The following MPRIP variants were observed in gnomAD, a reference collection of about 807,000 sequenced individuals.
The protein encoded by MPRIP is myosin phosphatase Rho interacting protein.
Under a neutral mutation model 234.9 loss-of-function variants are expected in MPRIP, and 59 were observed. The observed-to-expected ratio is 0.25, with a 90% CI of 0.20 to 0.31. The LOEUF (loss-of-function observed/expected upper bound fraction) is 0.31. Ranked by LOEUF, MPRIP falls within the 10% of genes least tolerant of loss-of-function variation. The pLI is 1.00. For synonymous variants in MPRIP, 1,144 were observed against 1,263.9 expected (o/e 0.91, Z 2.01); for missense variants, 2,436 against 3,071.0 (o/e 0.79, Z 4.89).
At chr17:17,159,340 G>A (rs969339656) in intron 14 of MPRIP, among the ~76,000 whole-genome samples, 2 of 152,238 alleles carry the variant, frequency 1.3e-5, no homozygotes, top group Non-Finnish European at 2.9e-5. Context: ...GCGCGAGCAG[G>A]GCAAGGCTTT....
At chr17:17,064,350 T>C (rs1003612795) in intron 1 of MPRIP, among the ~76,000 whole-genome samples, 1 of 152,044 alleles carries the variant, frequency 6.6e-6, no homozygotes, top group African/African-American at 2.4e-5. Flanking sequence ...TACAGGTGCG[T>C]GCCACTGTTT....
At chr17:17,105,021 G>A (rs2090036093) in intron 3 of MPRIP, among the ~76,000 whole-genome samples, 1 of 152,140 alleles carries the variant, frequency 6.6e-6, no homozygotes, top group African/African-American at 2.4e-5. Flanking sequence ...TATCCACTGG[G>A]CGTGTTTGCT....
At chr17:17,105,104 C>T (rs2090037387) in intron 3 of MPRIP, among the ~76,000 whole-genome samples, 3 of 152,208 alleles carry the variant, frequency 2.0e-5, no homozygotes, top group Admixed American at 6.5e-5. Context: ...TACAAATAGA[C>T]TTTTGTTGTT....
intron 1 of MPRIP, among the ~76,000 whole-genome samples, chr17:17,058,887 C>T (rs536108249): frequency 2.6e-5 from 4 of 152,150 alleles, no homozygotes; most frequent in Admixed American, 2.0e-4. Flanking sequence ...CAGGGCTGCT[C>T]CCCAAGCAAA....
intron 1 of MPRIP, among the ~76,000 whole-genome samples, chr17:17,056,663 A>T (rs1340839924): frequency 6.6e-6 from 1 of 151,990 alleles, no homozygotes; most frequent in African/African-American, 2.4e-5. Flanking sequence ...TAACCATTTT[A>T]GCATGTACAA....
In MPRIP at chr17:17,180,063, G is replaced by T. The variant is rs1400937361; in HGVS notation, c.7181G>T (p.Arg2394Leu). 1 of 1,591,510 alleles carries T rather than the reference G, an allele frequency of 6.3e-7. No individual in the cohort carries two copies. The highest frequency in any genetic ancestry group is 1.4e-5 in the African/African-American group (1 of 73,174). ...AAGAAAGACAGATCCTGTGTCACCC[G>T]GCAACTCAGAAACATCAGGTCCAAG... ...FLKKDRSCVT[R>L]QLRNIRSKSL... Residue 2394 changes from arginine to leucine, a missense_variant, in exon 23 of 24, where the codon CGG becomes CTG. Coordinates refer to ENST00000651222, the MANE Select transcript of MPRIP (RefSeq NM_001364716.4).
chr17:17,179,664 A>T, intron 22 of MPRIP: 1 of 198,830 alleles, frequency 5.0e-6, no homozygotes, highest in East Asian at 1.6e-4. Context: ...AATCATGGAT[A>T]ATGGGGGTAG....
intron 5 of MPRIP, among the ~76,000 whole-genome samples, chr17:17,135,274 A>T (rs2090672332): frequency 1.4e-5 from 1 of 69,570 alleles, no homozygotes. Flanking sequence ...CCCCACAAAC[A>T]CTTCTCCCTC....
intron 1 of MPRIP, among the ~76,000 whole-genome samples, chr17:17,071,538 A>T (rs2089194525): frequency 6.6e-6 from 1 of 152,096 alleles, no homozygotes; most frequent in Admixed American, 6.5e-5. Context: ...TGTACTTAGC[A>T]GGAGAAATCT....
rs908516921 is a variant in MPRIP, at chr17:17,166,730, A to G, written c.5139A>G (p.Gly1713=). ...QHKCLLREIL[G]AYQTPDFERV... ...AATGCCTGCTGAGGGAAATCCTGGGAGCCTACCAAACCCCAGACTTTGAAA... is the reference window on the plus strand; with the variant it reads ...AATGCCTGCTGAGGGAAATCCTGGGGGCCTACCAAACCCCAGACTTTGAAA... Residue 1713 remains glycine, a synonymous_variant, in exon 16 of 24, where the codon GGA becomes GGG. Coordinates refer to ENST00000651222, the MANE Select transcript of MPRIP (RefSeq NM_001364716.4). The surrounding 1 kb of genome is among the most constrained non-coding windows in gnomAD (Gnocchi z 4.4). 7.7e-7 allele frequency: 1 copy of G among 1,304,032 alleles called. No homozygotes were observed. The highest frequency in any genetic ancestry group is 1.0e-6 in the Non-Finnish European group (1 of 988,960). The allele number at this position is 1,304,032 out of a possible 1,614,324, so 80.8% of individuals were successfully genotyped here.
rs180847212 is a variant in MPRIP, at chr17:17,143,406, T to C, written c.1390-150T>C. The C allele has an allele frequency of 5.4e-4, 268 of 497,356 alleles. 4 individuals carry two copies. In the East Asian group the frequency reaches 9.3e-3, roughly 17 times the overall value. 30.8% of individuals were successfully genotyped at this position (497,356 alleles called of 1,614,324 possible). A position where few individuals can be genotyped will look rare whatever the true frequency, so the allele number is the denominator to read the frequency against. On this transcript the variant is annotated intron_variant, in intron 8 of 23. Transcript: ENST00000651222. ...GACCCGGGTCCTGTCCTGGCCCTGCTGCAGACTTGCTATGGTGGCTAGGCA... is the reference window on the plus strand; with the variant it reads ...GACCCGGGTCCTGTCCTGGCCCTGCCGCAGACTTGCTATGGTGGCTAGGCA...
At chr17:17,113,815 C>A (rs2090220978) in intron 3 of MPRIP, among the ~76,000 whole-genome samples, 1 of 151,662 alleles carries the variant, frequency 6.6e-6, no homozygotes, top group Non-Finnish European at 1.5e-5. Context: ...TAACTTACCT[C>A]TACCCTAGTG....
chr17:17,185,727 A>G lies in MPRIP; in HGVS notation c.*833A>G, dbSNP rs1282245611. 2.9e-6 allele frequency: 1 copy of G among 348,140 alleles called. No homozygotes were observed. Among genetic ancestry groups the G allele is most frequent in the African/African-American group, 2.2e-5 (1 of 46,036 alleles). 21.6% of individuals were successfully genotyped at this position (348,140 alleles called of 1,614,324 possible). A position where few individuals can be genotyped will look rare whatever the true frequency, so the allele number is the denominator to read the frequency against. On this transcript the variant is annotated 3_prime_UTR_variant, in exon 24 of 24. Coordinates refer to ENST00000651222, the MANE Select transcript of MPRIP (RefSeq NM_001364716.4). ...GAATTCCCCCCAGGAATCATTCAAA[A>G]TGGGGGAAGGTTTGGGGGTTTGGGT...
chr17:17,173,773 T>A (rs1167349509), intron 18 of MPRIP, 143 bp from the exon 19 acceptor site: 2 of 949,638 alleles, frequency 2.1e-6, no homozygotes, highest in Non-Finnish European at 3.4e-6. Context: ...GATCCCTTAC[T>A]CTGTATGACC....
chr17:17,069,139 C>A (rs574916141), intron 1 of MPRIP, among the ~76,000 whole-genome samples: 1 of 152,302 alleles, frequency 6.6e-6, no homozygotes, highest in South Asian at 2.1e-4. Context: ...CATTTAGGCT[C>A]ACTATGTCTC....
At chr17:17,177,914 G>A (rs2046290090) in intron 22 of MPRIP, among the ~76,000 whole-genome samples, 3 of 145,970 alleles carry the variant, frequency 2.1e-5, no homozygotes, top group Non-Finnish European at 3.0e-5. Context: ...AGCATTTTCA[G>A]CTCATACGTA....
chr17:17,106,487 C>G (rs991370689), intron 3 of MPRIP, among the ~76,000 whole-genome samples: 1 of 152,194 alleles, frequency 6.6e-6, no homozygotes, highest in South Asian at 2.1e-4. Context: ...AGCCTGCCCT[C>G]CACAGAGCTT....
chr17:17,104,977 T>C (rs1338779370), intron 3 of MPRIP, among the ~76,000 whole-genome samples: 1 of 152,168 alleles, frequency 6.6e-6, no homozygotes, highest in African/African-American at 2.4e-5. Flanking sequence ...AGGGGCCTTG[T>C]TGCTTCCAGG....
At chr17:17,095,088 T>G (rs2089809488) in intron 3 of MPRIP, among the ~76,000 whole-genome samples, 1 of 152,200 alleles carries the variant, frequency 6.6e-6, no homozygotes, top group Non-Finnish European at 1.5e-5. Flanking sequence ...TTCCACCTAT[T>G]GAATTGTTAA....
Sources: gnomAD v4.1 joint callset for allele counts (sites outside exome capture counted in the v4.1 genomes callset) on GRCh38, gnomAD v4.1.1 for gene constraint, Gnocchi (gnomAD v3.1) non-coding constraint, MANE v1.5 for transcripts, NCBI Gene and HGNC (gene_info 2026-07-23, HGNC 2026-07-21) for gene names.